HBS1L: variants seen among roughly 807,000 people sequenced by gnomAD.
HBS1L encodes the protein HBS1 like translational GTPase.
Under a neutral mutation model 88.9 loss-of-function variants are expected in HBS1L, and 55 were observed. The ratio of observed to expected loss-of-function variants is 0.62; its 90% CI spans 0.50 to 0.77. The LOEUF is 0.77. Ranked by LOEUF, HBS1L falls within the 30% of genes least tolerant of loss-of-function variation. The pLI, the probability that HBS1L is intolerant of heterozygous loss-of-function variation, is 0.00. For missense variants in HBS1L, 741 were observed against 829.3 expected (o/e 0.89, Z 1.31); for synonymous variants, 267 against 288.5 (o/e 0.93, Z 0.76).
chr6:135,034,419 G>A (rs147989910), intron 4 of HBS1L, among the ~76,000 whole-genome samples: 2,152 of 152,262 alleles, frequency 0.014, 65 homozygotes, highest in African/African-American at 0.048. Flanking sequence ...CGAGGTGGGC[G>A]GATCATCTGA....
rs1562281721 is a variant in HBS1L at position 134,987,510 on chromosome 6, A to G, written c.1230+135T>C. ...ACTAACACCTCATTTATTTAAGATGAGAACAGAGAATTTATTTTTAAAAAC... is the reference window on the plus strand; with the variant it reads ...ACTAACACCTCATTTATTTAAGATGGGAACAGAGAATTTATTTTTAAAAAC... On this transcript the variant is annotated intron_variant, in intron 9 of 17. Transcript: ENST00000367837. 9.2e-6 allele frequency: 5 copies of G among 545,892 alleles called. No homozygotes were observed. In the South Asian group the frequency reaches 3.2e-4, roughly 35 times the overall value. The allele number at this position is 545,892 out of a possible 1,614,324, so 33.8% of individuals were successfully genotyped here.
intron 2 of HBS1L, among the ~76,000 whole-genome samples, chr6:135,047,005 A>G (rs1410307733): frequency 6.6e-6 from 1 of 152,242 alleles, no homozygotes. Flanking sequence ...AGTTTGTCAC[A>G]GAAGAAACCA....
intron 4 of HBS1L, among the ~76,000 whole-genome samples, chr6:135,020,161 CAAAA>C (rs3834279): frequency 7.0e-6 from 1 of 142,864 alleles, no homozygotes; most frequent in Non-Finnish European, 1.5e-5. Context: ...AAAAACCCTC[CAAAA>C]AAAAAAAAAA....
At chr6:135,009,193 T>C (rs1270363137) in intron 4 of HBS1L, among the ~76,000 whole-genome samples, 1 of 152,232 alleles carries the variant, frequency 6.6e-6, no homozygotes, top group African/African-American at 2.4e-5. Context: ...GACAGGCTGA[T>C]CTGCCAGAGG....
At chr6:135,000,891 T>G (rs1775435445) in intron 5 of HBS1L, among the ~76,000 whole-genome samples, 1 of 152,164 alleles carries the variant, frequency 6.6e-6, no homozygotes, top group African/African-American at 2.4e-5. Flanking sequence ...TGTTTCACTG[T>G]GTTTCTATAT....
At chr6:135,040,348 T>C (rs1776694273) in intron 3 of HBS1L, among the ~76,000 whole-genome samples, 1 of 57,894 alleles carries the variant, frequency 1.7e-5, no homozygotes, top group Admixed American at 1.3e-4. Flanking sequence ...GGCATTCTTT[T>C]TTTTTTTTTT....
At chr6:134,995,118 G>A (rs1378148009) in intron 7 of HBS1L, among the ~76,000 whole-genome samples, 9 of 152,044 alleles carry the variant, frequency 5.9e-5, no homozygotes, top group Admixed American at 3.3e-4. Context: ...CACCTTCAGA[G>A]TAATGGTGAA....
rs765997953 is a variant in HBS1L, at chr6:134,997,381, G to A, written c.799+16C>T. 13 of 1,613,480 alleles carry A rather than the reference G, an allele frequency of 8.1e-6. No individual in the cohort carries two copies. The South Asian group carries it at 1.3e-4, about 16-fold the overall frequency. ...GGCATGGCTGGCTGACGATCCAGAG[G>A]GACAAAGAGCATTACCAATGACCAC... On this transcript the variant is annotated intron_variant, in intron 6 of 17. Coordinates refer to ENST00000367837, the MANE Select transcript of HBS1L (RefSeq NM_006620.4).
rs1205480257 is a variant in HBS1L at position 134,961,235 on chromosome 6, T to C, written c.*4044A>G. ...CCTTTATGGACTATAAGTAACTTAA[T>C]GCTTTTCTTTCCCTATTTCATATCC... On this transcript the variant is annotated 3_prime_UTR_variant, in exon 18 of 18. Transcript: ENST00000367837. 2.0e-5 allele frequency: 3 copies of C among 152,218 alleles called. No homozygotes were observed. Among genetic ancestry groups the C allele is most frequent in the Admixed American group, 2.0e-4 (3 of 15,278 alleles). The allele number at this position is 152,218 out of a possible 1,614,324, so 9.4% of individuals were successfully genotyped here.
At chr6:135,036,134 T>G (rs910967187) in intron 4 of HBS1L, 13 of 684,220 alleles carry the variant, frequency 1.9e-5, no homozygotes, top group Non-Finnish European at 2.3e-5. Flanking sequence ...AACATCTCAG[T>G]TATGCTGTGC....
intron 15 of HBS1L, 68 bp from the exon 16 acceptor site, chr6:134,969,406 T>C (rs977195614): frequency 2.2e-6 from 2 of 929,042 alleles, no homozygotes; most frequent in Non-Finnish European, 3.5e-6. Flanking sequence ...TTTTGGCACT[T>C]ATACTTAATT....
At chr6:135,035,479 G>GC (rs1267747428) in intron 4 of HBS1L, among the ~76,000 whole-genome samples, 3 of 149,672 alleles carry the variant, frequency 2.0e-5, no homozygotes, top group Admixed American at 2.0e-4. Context: ...AGTGGCTCAC[G>GC]CCTGTAATCT....
chr6:135,037,716 T>A (rs1381717300), intron 4 of HBS1L: 1 of 1,550,982 alleles, frequency 6.4e-7, no homozygotes, highest in Non-Finnish European at 8.7e-7. Context: ...CCAGACTGTC[T>A]GTAGATGATA....
intron 15 of HBS1L, among the ~76,000 whole-genome samples, chr6:134,974,660 A>C (rs896637499): frequency 1.3e-5 from 2 of 152,008 alleles, no homozygotes; most frequent in East Asian, 1.9e-4. Flanking sequence ...CAAAAAAAAA[A>C]CAGATGATCA....
Position 134,986,156 on chromosome 6 carries a change from T to G in HBS1L, c.1333A>C (p.Ser445Arg). The G allele has an allele frequency of 6.3e-7, 1 of 1,584,944 alleles. No individual in the cohort carries two copies. Among genetic ancestry groups the G allele is most frequent in the Non-Finnish European group, 8.7e-7 (1 of 1,155,192 alleles). Residue 445 changes from serine to arginine, a missense_variant, in exon 11 of 18, where the codon AGT becomes CGT. Ser to Arg is a moderately radical substitution (Grantham distance 110). Coordinates refer to ENST00000367837, the MANE Select transcript of HBS1L (RefSeq NM_006620.4). ...ATTAGATTTTCACCACTGAGACCAC[T>G]TGTAGGAATAAAACCTACATCACTC... is the stretch of plus-strand genomic sequence containing the variant. Reference protein sequence around the residue: ...KESDVGFIPTSGLSGENLITR... With the variant: ...KESDVGFIPTRGLSGENLITR...
At chr6:135,035,474 C>G (rs1040784728) in intron 4 of HBS1L, among the ~76,000 whole-genome samples, 2 of 151,114 alleles carry the variant, frequency 1.3e-5, no homozygotes, top group African/African-American at 2.4e-5. Flanking sequence ...GGTGCAGTGG[C>G]TCACGCCTGT....
intron 6 of HBS1L, among the ~76,000 whole-genome samples, 191 bp downstream of exon 6, chr6:134,997,206 T>A (rs575804778): frequency 6.6e-6 from 1 of 152,242 alleles, no homozygotes; most frequent in African/African-American, 2.4e-5. Context: ...AATCCCACAA[T>A]CAAGTGTAAT....
intron 4 of HBS1L, among the ~76,000 whole-genome samples, chr6:135,016,663 C>A (rs921920412): frequency 9.2e-5 from 14 of 152,156 alleles, no homozygotes; most frequent in Non-Finnish European, 1.5e-5. Flanking sequence ...TGCATATTCT[C>A]ATGTAGCATA....
At chr6:135,054,280 G>C (rs753414720) in intron 1 of HBS1L, among the ~76,000 whole-genome samples, 18 of 152,246 alleles carry the variant, frequency 1.2e-4, no homozygotes, top group Non-Finnish European at 1.2e-4. Flanking sequence ...ATTTCTCAAA[G>C]GGGATCTGGG....
Sources: allele counts gnomAD v4.1 joint callset (sites outside exome capture counted in the v4.1 genomes callset), GRCh38; gene constraint gnomAD v4.1.1; transcripts MANE v1.5; gene names NCBI Gene and HGNC (gene_info 2026-07-23, HGNC 2026-07-21).